The following TENT4B variants were observed in gnomAD, a reference collection of about 807,000 sequenced individuals.
TENT4B encodes PAP associated domain containing 5.
In TENT4B, 10 loss-of-function variants were observed where a neutral mutation model predicts 75.0. That is an observed-to-expected ratio of 0.13 (90% CI 0.08 to 0.23). TENT4B has a LOEUF of 0.23. TENT4B is among the 10% of genes least tolerant of loss of function. The pLI is 1.00. For missense variants in TENT4B, 579 were observed against 893.8 expected (o/e 0.65, Z 4.49); for synonymous variants, 350 against 357.7 (o/e 0.98, Z 0.24).
intron 8 of TENT4B, 36 bp from the exon 9 acceptor site, chr16:50,224,855 T>C (rs367872877): frequency 4.0e-5 from 64 of 1,611,492 alleles, no homozygotes; most frequent in Non-Finnish European, 5.3e-5. Flanking sequence ...ATTAATGTTA[T>C]TCCCTCCCTC....
intron 1 of TENT4B, among the ~76,000 whole-genome samples, chr16:50,183,335 T>C (rs2038459973): frequency 6.6e-6 from 1 of 152,008 alleles, no homozygotes. Context: ...TGAGCCACCG[T>C]GCCTGGCTGC....
At chr16:50,207,875 T>C (rs1408167559) in intron 1 of TENT4B, among the ~76,000 whole-genome samples, 3 of 152,226 alleles carry the variant, frequency 2.0e-5, no homozygotes, top group African/African-American at 7.2e-5. Flanking sequence ...GTCAGGGTAT[T>C]TTAAGTGCCT....
intron 10 of TENT4B, among the ~76,000 whole-genome samples, chr16:50,227,220 C>T (rs2032097503): frequency 1.3e-5 from 2 of 152,174 alleles, no homozygotes; most frequent in South Asian, 4.1e-4. Flanking sequence ...CTTTGGAGGA[C>T]AGAAGCCAAG....
rs1192826177 is a variant in TENT4B at position 50,211,441 on chromosome 16, G to A, written c.757G>A (p.Ala253Thr). 6 of 1,581,578 alleles carry A rather than the reference G, an allele frequency of 3.8e-6. No individual in the cohort carries two copies. Among genetic ancestry groups the A allele is most frequent in the Non-Finnish European group, 5.1e-6 (6 of 1,170,726 alleles). ...TGTAATTAAGGAGCTCTGGCCCAGC[G>A]CTGACGTGAGTCCCTTCCTGGGTAG... Reference protein sequence around the residue: ...ESVIKELWPSADVQIFGSFKT... With the variant: ...ESVIKELWPSTDVQIFGSFKT... The change falls in exon 2 of 12, where the codon GCT becomes ACT. Residue 253 changes from alanine to threonine, a missense_variant. Transcript: ENST00000561678.
chr16:50,191,021 C>T (rs2038628294), intron 1 of TENT4B, among the ~76,000 whole-genome samples: 2 of 152,046 alleles, frequency 1.3e-5, no homozygotes, highest in African/African-American at 4.8e-5. Flanking sequence ...AAGGTTCATC[C>T]ATGTTGTAGC....
chr16:50,220,736 C>T (rs1256260122), intron 5 of TENT4B, among the ~76,000 whole-genome samples: 1 of 151,876 alleles, frequency 6.6e-6, no homozygotes, highest in Non-Finnish European at 1.5e-5. Flanking sequence ...TCCATGTTGG[C>T]CAGGCTGGTC....
chr16:50,230,784 T>C lies in TENT4B; in HGVS notation c.*1456T>C, dbSNP rs2032267932. ...ATTACCTGTTGAGTTTGAAACTCAGTTGGGAATATTTAATATAATAGAATG... is the reference window on the plus strand; with the variant it reads ...ATTACCTGTTGAGTTTGAAACTCAGCTGGGAATATTTAATATAATAGAATG... On this transcript the variant is annotated 3_prime_UTR_variant, in exon 12 of 12. Transcript: ENST00000561678. The C allele has an allele frequency of 1.0e-6, 1 of 985,590 alleles. No homozygotes were observed. Among genetic ancestry groups the C allele is most frequent in the Non-Finnish European group, 1.2e-6 (1 of 829,826 alleles). The allele number at this position is 985,590 out of a possible 1,614,324, so 61.1% of individuals were successfully genotyped here. A position where few individuals can be genotyped will look rare whatever the true frequency, so the allele number is the denominator to read the frequency against.
intron 1 of TENT4B, among the ~76,000 whole-genome samples, chr16:50,195,336 C>T (rs1384857369): frequency 6.6e-6 from 1 of 152,206 alleles, no homozygotes; most frequent in Non-Finnish European, 1.5e-5. Flanking sequence ...CATCATATAG[C>T]TTTGAAAGCC....
chr16:50,166,285 A>G lies in TENT4B; in HGVS notation c.638+12026A>G, dbSNP rs554219009. ...TTTTTTATAGAGACAGGGTTTTGCC[A>G]TGTTGGTCAGGCTGGTCTTGAACTC... On this transcript the variant is annotated intron_variant, in intron 1 of 11. Transcript: ENST00000561678. 8.2e-4 allele frequency among the ~76,000 whole-genome samples: 124 copies of G among 151,952 alleles called. 2 individuals are homozygous for G. The highest frequency in any genetic ancestry group is 2.3e-3 in the African/African-American group (95 of 41,472).
intron 1 of TENT4B, among the ~76,000 whole-genome samples, chr16:50,180,623 C>T (rs924938390): frequency 4.6e-5 from 7 of 151,494 alleles, no homozygotes; most frequent in Admixed American, 3.9e-4. Context: ...GCATGAGAAT[C>T]GCTTTAACTT....
At chr16:50,199,759 C>T (rs1424000510) in intron 1 of TENT4B, among the ~76,000 whole-genome samples, 2 of 152,136 alleles carry the variant, frequency 1.3e-5, no homozygotes, top group African/African-American at 4.8e-5. Flanking sequence ...ACAATTGATC[C>T]ATTCACCTAC....
At chr16:50,195,993 G>A (rs1164109400) in intron 1 of TENT4B, among the ~76,000 whole-genome samples, 1 of 152,196 alleles carries the variant, frequency 6.6e-6, no homozygotes, top group Admixed American at 6.5e-5. Flanking sequence ...CCCAGGCCCT[G>A]CTTTGGAGCG....
intron 10 of TENT4B, among the ~76,000 whole-genome samples, chr16:50,226,533 G>T (rs2032063577): frequency 1.3e-5 from 2 of 151,940 alleles, no homozygotes; most frequent in African/African-American, 4.8e-5. Flanking sequence ...CCGGGTTCAT[G>T]CCATTCTGCC....
At chr16:50,167,308 G>T (rs117005240) in intron 1 of TENT4B, among the ~76,000 whole-genome samples, 63 of 152,050 alleles carry the variant, frequency 4.1e-4, no homozygotes, top group Non-Finnish European at 5.9e-4. Context: ...GCCTCTGGCC[G>T]TGGGTTGGAT....
chr16:50,156,580 GT>G (rs780685257), intron 1 of TENT4B, among the ~76,000 whole-genome samples: 2 of 152,084 alleles, frequency 1.3e-5, no homozygotes, highest in Non-Finnish European at 2.9e-5. Flanking sequence ...CTGACCTCAG[GT>G]GATCTGCCCG....
At chr16:50,167,752 G>A (rs547932671) in intron 1 of TENT4B, among the ~76,000 whole-genome samples, 6 of 152,068 alleles carry the variant, frequency 3.9e-5, no homozygotes, top group South Asian at 2.1e-4. Flanking sequence ...CTGCCTCCTC[G>A]GTTCAAGCAA....
In TENT4B at chr16:50,229,180, C is replaced by T. The variant is rs771117864; in HGVS notation, c.1994C>T (p.Ser665Phe). 6.2e-7 allele frequency: 1 copy of T among 1,612,988 alleles called. No individual in the cohort carries two copies. Among genetic ancestry groups the T allele is most frequent in the Non-Finnish European group, 8.5e-7 (1 of 1,179,496 alleles). Residue 665 changes from serine to phenylalanine, a missense_variant, in exon 12 of 12, where the codon TCC becomes TTC. Ser to Phe is a radical substitution (Grantham distance 155, BLOSUM62 -2). Around this residue, in one of 7 missense-constraint regions of TENT4B, gnomAD observed 164 missense variants for 226.5 expected, o/e 0.72. Coordinates refer to ENST00000561678, the MANE Select transcript of TENT4B (RefSeq NM_001365324.3). ...GGATCAGCAAGGCTCTTTCGTTCTTCCAGCAAAGGCTTCCAAGGTACAACT... is the reference window on the plus strand; with the variant it reads ...GGATCAGCAAGGCTCTTTCGTTCTTTCAGCAAAGGCTTCCAAGGTACAACT... Reference protein sequence around the residue: ...QHGSARLFRSSSKGFQGTTQT... With the variant: ...QHGSARLFRSFSKGFQGTTQT...
chr16:50,176,115 C>G (rs1459871976), intron 1 of TENT4B, among the ~76,000 whole-genome samples: 43 of 147,972 alleles, frequency 2.9e-4, no homozygotes, highest in Admixed American at 2.9e-3. Flanking sequence ...TTGAGACAGT[C>G]TTACTCTGTT....
rs910124200 is a variant in TENT4B at position 50,222,200 on chromosome 16, A to G, written c.1039-106A>G. ...TAAAATAGAAAATTAAGTATGTTGTATATCTCTACCAAATTTTATAATGTA... is the reference window on the plus strand; with the variant it reads ...TAAAATAGAAAATTAAGTATGTTGTGTATCTCTACCAAATTTTATAATGTA... On this transcript the variant is annotated intron_variant, in intron 5 of 11. Transcript: ENST00000561678. The G allele has an allele frequency of 7.7e-6, 8 of 1,035,306 alleles. No homozygotes were observed. The African/African-American group carries it at 1.1e-4, about 15-fold the overall frequency. The allele number at this position is 1,035,306 out of a possible 1,614,324, so 64.1% of individuals were successfully genotyped here. A position where few individuals can be genotyped will look rare whatever the true frequency, so the allele number is the denominator to read the frequency against.
Sources: gnomAD v4.1 joint callset for allele counts (sites outside exome capture counted in the v4.1 genomes callset) on GRCh38, gnomAD v4.1.1 for gene constraint, gnomAD v4.1.1 regional missense constraint, MANE v1.5 for transcripts, NCBI Gene and HGNC (gene_info 2026-07-23, HGNC 2026-07-21) for gene names.